Variants in SYNE1 observed in about 807,000 individuals in gnomAD.
The protein encoded by SYNE1 is spectrin repeat containing nuclear envelope protein 1.
A neutral mutation model predicts 1,111.0 loss-of-function variants in SYNE1; 616 were observed. The observed-to-expected ratio is 0.55, with a 90% CI of 0.52 to 0.59. The LOEUF (loss-of-function observed/expected upper bound fraction) is 0.59. Ranked by LOEUF, SYNE1 falls within the 20% of genes least tolerant of loss-of-function variation. The pLI, the probability that SYNE1 is intolerant of heterozygous loss-of-function variation, is 0.00. For synonymous variants in SYNE1, 3,855 were observed against 3,825.8 expected (o/e 1.01, Z -0.28); for missense variants, 10,006 against 10,417.0 (o/e 0.96, Z 1.72).
At chr6:152,169,116 A>G (rs9479232) in intron 130 of SYNE1, among the ~76,000 whole-genome samples, 39,547 of 151,942 alleles carry the variant, frequency 0.26, 6,250 homozygotes, top group Admixed American at 0.38. Context: ...ACTACACACA[A>G]ATAAATAATA....
chr6:152,468,813 T>C (rs1367425636), intron 16 of SYNE1, among the ~76,000 whole-genome samples: 1 of 152,166 alleles, frequency 6.6e-6, no homozygotes, highest in African/African-American at 2.4e-5. Context: ...TCTCACTCTG[T>C]AGCTCAGGCT....
intron 18 of SYNE1, chr6:152,464,823 T>G (rs80092759): frequency 7.9e-6 from 2 of 251,676 alleles, no homozygotes; most frequent in South Asian, 1.0e-4. Flanking sequence ...TGCTTGAAGG[T>G]TGATAAAATC....
intron 108 of SYNE1, 124 bp downstream of exon 108, chr6:152,239,409 C>T (rs1317941698): frequency 5.2e-6 from 6 of 1,149,056 alleles, no homozygotes; most frequent in Non-Finnish European, 6.5e-6. Context: ...AGTCCTGAGC[C>T]CGAGAGCGCA....
chr6:152,614,001 A>G lies in SYNE1; in HGVS notation c.67+14264T>C, dbSNP rs183439625. 3.9e-3 allele frequency among the ~76,000 whole-genome samples: 589 copies of G among 152,374 alleles called. 6 individuals are homozygous for G. Among genetic ancestry groups the G allele is most frequent in the African/African-American group, 0.014 (563 of 41,590 alleles). Reference sequence around the variant, plus strand: ...AAAATTAATTCAAGATGGATTATAGACTTAAATGTTAGACTTAAAACCACA... The same window carrying G: ...AAAATTAATTCAAGATGGATTATAGGCTTAAATGTTAGACTTAAAACCACA... On this transcript the variant is annotated intron_variant, in intron 3 of 145. Coordinates refer to ENST00000367255, the MANE Select transcript of SYNE1 (RefSeq NM_182961.4).
At chr6:152,341,529 T>C (rs985270418) in intron 74 of SYNE1, among the ~76,000 whole-genome samples, 6 of 152,220 alleles carry the variant, frequency 3.9e-5, no homozygotes, top group Non-Finnish European at 7.3e-5. Context: ...CGGAATCGAA[T>C]CCATGTGCCA....
chr6:152,369,230 G>A (rs1296851532), intron 60 of SYNE1, 103 bp from the exon 61 acceptor site: 11 of 1,490,700 alleles, frequency 7.4e-6, no homozygotes, highest in Middle Eastern at 2.3e-4. Flanking sequence ...CAGGCAGTCC[G>A]TGTACCCTGG....
At chr6:152,556,979 G>C (rs1485455440) in intron 3 of SYNE1, among the ~76,000 whole-genome samples, 2 of 152,090 alleles carry the variant, frequency 1.3e-5, no homozygotes, top group African/African-American at 4.8e-5. Flanking sequence ...TCTATGAACT[G>C]CTTGAGAAAT....
chr6:152,419,950 A>G (rs2098228316), intron 39 of SYNE1, among the ~76,000 whole-genome samples: 1 of 152,164 alleles, frequency 6.6e-6, no homozygotes, highest in South Asian at 2.1e-4. Context: ...GGCACTCTTC[A>G]TCTTGTCCTT....
At chr6:152,596,111 A>T in intron 3 of SYNE1, among the ~76,000 whole-genome samples, 1 of 148,436 alleles carries the variant, frequency 6.7e-6, no homozygotes, top group Admixed American at 6.7e-5. Flanking sequence ...AAAAAAAAAA[A>T]AAAAAAAAAA....
chr6:152,478,279 T>A (rs2098846935), intron 14 of SYNE1, among the ~76,000 whole-genome samples: 1 of 152,096 alleles, frequency 6.6e-6, no homozygotes, highest in South Asian at 2.1e-4. Flanking sequence ...CTCAAAGAGC[T>A]TTGCTGTAAA....
intron 36 of SYNE1, among the ~76,000 whole-genome samples, chr6:152,429,251 C>T (rs2154199851): frequency 6.6e-6 from 1 of 152,020 alleles, no homozygotes; most frequent in East Asian, 1.9e-4. Context: ...GAAATCAAGA[C>T]ACAGAAAAAC....
intron 29 of SYNE1, among the ~76,000 whole-genome samples, chr6:152,446,665 G>A (rs142214381): frequency 6.6e-6 from 1 of 152,000 alleles, no homozygotes; most frequent in Non-Finnish European, 1.5e-5. Context: ...AAGAAATACT[G>A]GTAAATATCT....
chr6:152,321,552 T>TA (rs1339814008), intron 83 of SYNE1, among the ~76,000 whole-genome samples, 162 bp from the exon 84 acceptor site: 1 of 152,224 alleles, frequency 6.6e-6, no homozygotes, highest in African/African-American at 2.4e-5. Context: ...ATGTTCACTT[T>TA]AAAAAACAAA....
At position 152,548,604 on chromosome 6, in the gene SYNE1, G is replaced by A. The variant is rs139414692; in HGVS notation, c.68-8583C>T. On this transcript the variant is annotated intron_variant, in intron 3 of 145. Transcript: ENST00000367255. ...ATCTCTATCTGGACAAGATGCAAAC[G>A]ATGCAACACAGGACTTAGAGCTTGA... is the stretch of plus-strand genomic sequence containing the variant. Among the ~76,000 whole-genome samples the A allele has an allele frequency of 1.9e-4, 29 of 152,290 alleles. No individual in the cohort carries two copies. The East Asian group carries it at 5.4e-3, about 28-fold the overall frequency.
At chr6:152,580,919 T>C (rs1181139824) in intron 3 of SYNE1, among the ~76,000 whole-genome samples, 1 of 152,220 alleles carries the variant, frequency 6.6e-6, no homozygotes, top group African/African-American at 2.4e-5. Context: ...TACACTTAGA[T>C]GTAAACATTT....
chr6:152,442,308 TCAA>T lies in SYNE1; in HGVS notation c.3838-66_3838-64del, dbSNP rs2098538902. On this transcript the variant is annotated intron_variant, in intron 30 of 145. Transcript: ENST00000367255. ...CTCTCTAAACAGCTAAGTAGGGACATCAACACCCACGCTTAACAGAAGTACAGA... is the reference window on the plus strand; with the variant it reads ...CTCTCTAAACAGCTAAGTAGGGACATCACCCACGCTTAACAGAAGTACAGA... 6.9e-6 allele frequency: 11 copies of T among 1,592,902 alleles called. No homozygotes were observed. The South Asian group carries it at 9.9e-5, about 14-fold the overall frequency.
intron 45 of SYNE1, among the ~76,000 whole-genome samples, chr6:152,406,112 G>A (rs2097896049): frequency 3.3e-5 from 5 of 152,068 alleles, no homozygotes; most frequent in Admixed American, 3.3e-4. Context: ...AAAATTTGAA[G>A]AATGATTAAC....
intron 81 of SYNE1, among the ~76,000 whole-genome samples, chr6:152,324,509 A>C (rs1351532060): frequency 6.6e-6 from 1 of 151,970 alleles, no homozygotes; most frequent in Non-Finnish European, 1.5e-5. Flanking sequence ...AAGAAAGCAA[A>C]TGGGCCGGGC....
chr6:152,634,758 C>G (rs2099703435), intron 2 of SYNE1, among the ~76,000 whole-genome samples: 2 of 152,180 alleles, frequency 1.3e-5, no homozygotes, highest in South Asian at 4.2e-4. Flanking sequence ...TTATTGTAAG[C>G]CTAAAGTATA....
Sources: allele counts gnomAD v4.1 joint callset (sites outside exome capture counted in the v4.1 genomes callset), GRCh38; gene constraint gnomAD v4.1.1; transcripts MANE v1.5; gene names NCBI Gene and HGNC (gene_info 2026-07-23, HGNC 2026-07-21).